PDZD8: variants seen among roughly 807,000 people sequenced by gnomAD.
The protein encoded by PDZD8 is PDZ domain containing 8, also known as PDZ domain-containing protein 8.
Under a neutral mutation model 85.8 loss-of-function variants are expected in PDZD8, and 14 were observed. The observed-to-expected ratio is 0.16, with a 90% CI of 0.11 to 0.26. The LOEUF (loss-of-function observed/expected upper bound fraction) is 0.26, where lower values mean the gene tolerates loss of function less well. Among genes scored for constraint, PDZD8 ranks in the 10% least tolerant of loss-of-function variants. PDZD8 has a pLI of 1.00. For missense variants in PDZD8, 1,197 were observed against 1,424.3 expected, an observed-to-expected ratio of 0.84 and a Z score of 2.57; for synonymous variants, 592 against 568.6, an observed-to-expected ratio of 1.04 and a Z score of -0.59.
chr10:117,312,857 T>C (rs377262540), intron 3 of PDZD8, among the ~76,000 whole-genome samples: 13 of 152,240 alleles, frequency 8.5e-5, no homozygotes, highest in East Asian at 5.8e-4. Context: ...TTTAAATTCC[T>C]TGTATTATAG....
At chr10:117,290,846 C>CATTTTGTA (rs1413112218) in intron 3 of PDZD8, among the ~76,000 whole-genome samples, 27 of 148,374 alleles carry the variant, frequency 1.8e-4, no homozygotes, top group Middle Eastern at 3.3e-3. Flanking sequence ...TTGGAAACTC[C>CATTTTGTA]ATTTTGTATG....
chr10:117,348,724 A>G (rs1240084219), intron 1 of PDZD8, among the ~76,000 whole-genome samples: 1 of 152,220 alleles, frequency 6.6e-6, no homozygotes, highest in Non-Finnish European at 1.5e-5. Context: ...ACCTTGGTAA[A>G]AGCCCTATCC....
chr10:117,322,751 C>T (rs1308406687), intron 2 of PDZD8, among the ~76,000 whole-genome samples: 1 of 152,020 alleles, frequency 6.6e-6, no homozygotes, highest in African/African-American at 2.4e-5. Context: ...ACGGGTGAGG[C>T]ATGTAAGAGC....
chr10:117,335,169 A>G (rs1447413466), intron 2 of PDZD8, among the ~76,000 whole-genome samples: 3 of 152,216 alleles, frequency 2.0e-5, no homozygotes, highest in Non-Finnish European at 4.4e-5. Context: ...TGGGGGAAGA[A>G]TAAAAAAAGT....
Position 117,285,052 on chromosome 10 carries a change from C to T in PDZD8, c.1681G>A (p.Gly561Arg), listed in dbSNP as rs1202767188. The T allele has an allele frequency of 2.5e-6, 4 of 1,613,840 alleles. No individual in the cohort carries two copies. The highest frequency in any genetic ancestry group is 3.4e-6 in the Non-Finnish European group (4 of 1,179,854). ...PLPPKIQSKD[G>R]NKPPPLKTSE... ...GTTTTTAGGGGTGGAGGTTTATTTC[C>T]ATCTTTGGACTGAATTTTCGGTGGT... Residue 561 changes from glycine (G) to arginine (R), a missense_variant, in exon 5 of 5, where the codon GGA (glycine) becomes AGA (arginine). This residue lies in a region of PDZD8 where 263 missense variants were observed against 261.9 expected (regional missense o/e 1.00). Transcript: ENST00000334464.
At chr10:117,350,322 T>C (rs1844783924) in intron 1 of PDZD8, among the ~76,000 whole-genome samples, 1 of 148,288 alleles carries the variant, frequency 6.7e-6, no homozygotes, top group Non-Finnish European at 1.5e-5. Context: ...TGGAGTGCAA[T>C]GGCATGATCT....
intron 4 of PDZD8, among the ~76,000 whole-genome samples, chr10:117,287,056 G>T (rs917781166): frequency 6.6e-6 from 1 of 152,056 alleles, no homozygotes; most frequent in Non-Finnish European, 1.5e-5. Flanking sequence ...AGATCAATAT[G>T]AAGCTACCTT....
intron 3 of PDZD8, among the ~76,000 whole-genome samples, chr10:117,296,235 A>T (rs1358241322): frequency 6.6e-6 from 1 of 152,134 alleles, no homozygotes; most frequent in Non-Finnish European, 1.5e-5. Context: ...TAGAAAAATT[A>T]AAAAATCCCA....
At position 117,284,222 on chromosome 10, in the gene PDZD8, T is replaced by C. The variant is rs1239753826; in HGVS notation, c.2511A>G (p.Thr837=). The part of the protein sequence containing the change: ...EEQFVGQMGL[T]ENKHSFQDTQ... The stretch of plus-strand genomic sequence containing the variant: ...TATCCTGAAAACTGTGTTTGTTTTC[T>C]GTTAAACCCATCTGTCCAACAAATT... The change falls in exon 5 of 5, where the codon ACA becomes ACG. Residue 837 remains threonine (T), a synonymous_variant. Coordinates refer to ENST00000334464, the MANE Select transcript of PDZD8 (RefSeq NM_173791.5). The C allele has an allele frequency of 6.8e-6, 11 of 1,614,118 alleles. No homozygotes were observed. The highest frequency in any genetic ancestry group is 8.5e-6 in the Non-Finnish European group (10 of 1,180,050).
intron 1 of PDZD8, among the ~76,000 whole-genome samples, chr10:117,361,248 AT>A (rs921524574): frequency 1.3e-5 from 2 of 151,616 alleles, no homozygotes; most frequent in Non-Finnish European, 1.5e-5. Flanking sequence ...AGTCGGGGCA[AT>A]TTTTTTTTAA....
rs374654101 is a variant in PDZD8 at position 117,283,823 on chromosome 10, G to A, written c.2910C>T (p.His970=). ...CTTCGTTGTCTGACGTGTTGGGTGT[G>A]TGTTTTGGTGAAGGTTCTACGAGAT... ...GTDLVEPSPK[H]TPNTSDNEGS... The change falls in exon 5 of 5, where the codon CAC becomes CAT. Residue 970 remains histidine (H), a synonymous_variant. Transcript: ENST00000334464. 1 of 1,614,204 alleles carries A rather than the reference G, an allele frequency of 6.2e-7. No individual in the cohort carries two copies. The highest frequency in any genetic ancestry group is 1.1e-5 in the South Asian group (1 of 91,090).
At position 117,341,062 on chromosome 10, in the gene PDZD8, C is replaced by T; in HGVS notation, c.913G>A (p.Glu305Lys). The T allele has an allele frequency of 3.7e-6, 6 of 1,613,738 alleles. No homozygotes were observed. Among genetic ancestry groups the T allele is most frequent in the Non-Finnish European group, 5.1e-6 (6 of 1,179,682 alleles). The change falls in exon 2 of 5, where the codon GAA (glutamate) becomes AAA (lysine). Residue 305 changes from glutamate (E) to lysine (K), a missense_variant. By Grantham distance (56) the Glu-to-Lys change is moderately conservative (BLOSUM62 1). Coordinates refer to ENST00000334464, the MANE Select transcript of PDZD8 (RefSeq NM_173791.5). ...ATATGGATATGCTCTTCATCTTCTT[C>T]AAATCCTTGCAAGGTCTGGTATGGA... Reference protein sequence around the residue: ...FFPYQTLQGFEEDEEHIHIQQ... With the variant: ...FFPYQTLQGFKEDEEHIHIQQ...
intron 2 of PDZD8, among the ~76,000 whole-genome samples, chr10:117,337,163 T>G (rs374072152): frequency 4.0e-5 from 6 of 151,842 alleles, no homozygotes; most frequent in African/African-American, 1.4e-4. Context: ...AATTGATCTC[T>G]TTTCCATGTT....
At chr10:117,286,062 CAAGT>C (rs1210672630) in intron 4 of PDZD8, among the ~76,000 whole-genome samples, 2 of 152,168 alleles carry the variant, frequency 1.3e-5, no homozygotes, top group Admixed American at 1.3e-4. Context: ...CCAGAAAGAA[CAAGT>C]AAGGGATAAA....
chr10:117,334,080 G>T (rs897936721), intron 2 of PDZD8, among the ~76,000 whole-genome samples: 1 of 152,202 alleles, frequency 6.6e-6, no homozygotes, highest in Admixed American at 6.5e-5. Flanking sequence ...TCCACAGATT[G>T]TAATTATAAA....
intron 1 of PDZD8, among the ~76,000 whole-genome samples, chr10:117,355,472 C>G (rs1055196303): frequency 6.6e-6 from 1 of 152,152 alleles, no homozygotes; most frequent in African/African-American, 2.4e-5. Context: ...GAAAAGAAAG[C>G]TTACATTTAT....
intron 2 of PDZD8, among the ~76,000 whole-genome samples, chr10:117,323,356 A>AC (rs1258986725): frequency 1.3e-5 from 2 of 152,204 alleles, no homozygotes; most frequent in Non-Finnish European, 2.9e-5. Context: ...TGGCTTCACT[A>AC]CTACTGCTCC....
chr10:117,291,113 A>G (rs1017917454), intron 3 of PDZD8, among the ~76,000 whole-genome samples: 1 of 151,732 alleles, frequency 6.6e-6, no homozygotes, highest in Non-Finnish European at 1.5e-5. Context: ...GGCTCAAGTG[A>G]TCCGCCCACC....
chr10:117,344,650 G>C (rs1844673607), intron 1 of PDZD8, among the ~76,000 whole-genome samples: 1 of 152,138 alleles, frequency 6.6e-6, no homozygotes, highest in African/African-American at 2.4e-5. Context: ...GCCTCCCAAA[G>C]TGCTGGGATT....
Sources: allele counts gnomAD v4.1 joint callset (sites outside exome capture counted in the v4.1 genomes callset), GRCh38; gene constraint gnomAD v4.1.1; regional missense constraint gnomAD v4.1.1; transcripts MANE v1.5; gene names NCBI Gene and HGNC (gene_info 2026-07-23, HGNC 2026-07-21).